The following GPR161 variants were observed in gnomAD, a reference collection of about 807,000 sequenced individuals.
GPR161 encodes the protein G protein-coupled receptor 161.
In GPR161, 25 loss-of-function variants were observed where a neutral mutation model predicts 39.2. The ratio of observed to expected loss-of-function variants is 0.64; its 90% CI spans 0.47 to 0.89. The LOEUF is 0.89. GPR161 is among the 40% of genes least tolerant of loss of function. The pLI is 0.00. For missense variants in GPR161, 547 were observed against 677.8 expected (o/e 0.81, Z 2.14); for synonymous variants, 286 against 276.6 (o/e 1.03, Z -0.34).
At chr1:168,113,294 C>T (rs1385850050) in intron 1 of GPR161, among the ~76,000 whole-genome samples, 1 of 152,136 alleles carries the variant, frequency 6.6e-6, no homozygotes, top group Admixed American at 6.5e-5. Context: ...ACTGCTTCTC[C>T]GAGAAACATC....
In GPR161 at chr1:168,125,622, C is replaced by T. The variant is rs562698600; in HGVS notation, c.-45+11117G>A. On this transcript the variant is annotated intron_variant, in intron 1 of 5. Transcript: ENST00000682931. Reference sequence around the variant, plus strand: ...GTATCTTGACTATCTTGCTTCCCCCCCCTTTTTTTTTTTTTGAGACAGTCT... The same window carrying T: ...GTATCTTGACTATCTTGCTTCCCCCTCCTTTTTTTTTTTTTGAGACAGTCT... Among the ~76,000 whole-genome samples, 14 of 137,506 alleles carry T rather than the reference C, an allele frequency of 1.0e-4. No individual in the cohort carries two copies. In the East Asian group the frequency reaches 1.2e-3, roughly 12 times the overall value. The allele number at this position is 137,506 out of a possible 152,430, so 90.2% of individuals were successfully genotyped here. A position where few individuals can be genotyped will look rare whatever the true frequency, so the allele number is the denominator to read the frequency against.
intron 2 of GPR161, among the ~76,000 whole-genome samples, chr1:168,102,513 A>G (rs1350470349): frequency 2.0e-5 from 3 of 152,112 alleles, no homozygotes; most frequent in African/African-American, 7.2e-5. Flanking sequence ...CATCCAACCA[A>G]TATTTCCAGT....
Position 168,083,168 on chromosome 1 carries a change from A to G in GPR161, c.*2363T>C, listed in dbSNP as rs941110035. The G allele has an allele frequency of 5.9e-5, 9 of 152,240 alleles. No homozygotes were observed. Among genetic ancestry groups the G allele is most frequent in the African/African-American group, 2.2e-4 (9 of 41,460 alleles). 9.4% of individuals were successfully genotyped at this position (152,240 alleles called of 1,614,324 possible). ...AGTGCACACTTTAGTGGTATTGCCTACAGAGCCTAGCCTGGTGCTTCGCAT... is the reference window on the plus strand; with the variant it reads ...AGTGCACACTTTAGTGGTATTGCCTGCAGAGCCTAGCCTGGTGCTTCGCAT... On this transcript the variant is annotated 3_prime_UTR_variant, in exon 6 of 6. Coordinates refer to ENST00000682931, the MANE Select transcript of GPR161 (RefSeq NM_001375883.1).
At position 168,085,636 on chromosome 1, in the gene GPR161, C is replaced by CG; in HGVS notation, c.1484dup (p.Gly498ArgfsTer44). ...CTCGGCGGCCCCCGAAGCCGCCCCC[C>CG]GGGACAGTCCGTGCTGTAACCAAGA... is the stretch of plus-strand genomic sequence containing the variant. On this transcript the variant is annotated frameshift_variant, in exon 6 of 6. Coordinates refer to ENST00000682931, the MANE Select transcript of GPR161 (RefSeq NM_001375883.1). LOFTEE classifies it low-confidence loss of function (END_TRUNC). The CG allele has an allele frequency of 6.2e-7, 1 of 1,614,148 alleles. No individual in the cohort carries two copies. The highest frequency in any genetic ancestry group is 1.1e-5 in the South Asian group (1 of 91,088).
chr1:168,116,678 C>A (rs977216546), intron 1 of GPR161, among the ~76,000 whole-genome samples: 3 of 152,224 alleles, frequency 2.0e-5, no homozygotes, highest in Non-Finnish European at 2.9e-5. Flanking sequence ...CTTCATCCTT[C>A]CCTGGCACTC....
chr1:168,117,794 C>T (rs1463581105), intron 1 of GPR161, among the ~76,000 whole-genome samples: 1 of 152,186 alleles, frequency 6.6e-6, no homozygotes, highest in Admixed American at 6.5e-5. Flanking sequence ...TTGAGCCTCA[C>T]TGTGTTGCAG....
At chr1:168,095,012 A>G (rs1695393195) in intron 3 of GPR161, among the ~76,000 whole-genome samples, 1 of 152,216 alleles carries the variant, frequency 6.6e-6, no homozygotes, top group Non-Finnish European at 1.5e-5. Flanking sequence ...CGAGAGATCA[A>G]GAGCAACACA....
At position 168,085,886 on chromosome 1, in the gene GPR161, G is replaced by A. The variant is rs1018654282; in HGVS notation, c.1325-90C>T. 2.5e-6 allele frequency: 3 copies of A among 1,195,502 alleles called. No homozygotes were observed. In the African/African-American group the frequency reaches 4.6e-5, roughly 18 times the overall value. The allele number at this position is 1,195,502 out of a possible 1,614,324, so 74.1% of individuals were successfully genotyped here. A position where few individuals can be genotyped will look rare whatever the true frequency, so the allele number is the denominator to read the frequency against. On this transcript the variant is annotated intron_variant, in intron 5 of 5. Transcript: ENST00000682931. Reference sequence around the variant, plus strand: ...AGCCTGCTGCTGCTCCACCACCCCGGGGAGGGAGACAAACCGCAGTTAAGG... The same window carrying A: ...AGCCTGCTGCTGCTCCACCACCCCGAGGAGGGAGACAAACCGCAGTTAAGG...
chr1:168,119,289 C>CATATAT (rs1697966519), intron 1 of GPR161, among the ~76,000 whole-genome samples: 1 of 110,914 alleles, frequency 9.0e-6, no homozygotes, highest in African/African-American at 4.2e-5. Context: ...TATATATATA[C>CATATAT]ACATATATAC....
At chr1:168,120,186 G>A (rs932651987) in intron 1 of GPR161, among the ~76,000 whole-genome samples, 2 of 152,204 alleles carry the variant, frequency 1.3e-5, no homozygotes, top group Non-Finnish European at 2.9e-5. Flanking sequence ...AGCCACAGAG[G>A]TGGAGCTGCC....
At chr1:168,104,334 C>T (rs1393137953) in intron 2 of GPR161, 143 bp downstream of exon 2, 4 of 634,936 alleles carry the variant, frequency 6.3e-6, no homozygotes, top group Non-Finnish European at 1.1e-5. Context: ...AGAGATGGCT[C>T]CAGAGGCAGA....
At chr1:168,113,296 A>G (rs1470007894) in intron 1 of GPR161, among the ~76,000 whole-genome samples, 1 of 152,188 alleles carries the variant, frequency 6.6e-6, no homozygotes, top group Non-Finnish European at 1.5e-5. Context: ...TGCTTCTCCG[A>G]GAAACATCTA....
chr1:168,118,400 C>T (rs1399048592), intron 1 of GPR161, among the ~76,000 whole-genome samples: 3 of 149,796 alleles, frequency 2.0e-5, no homozygotes, highest in Admixed American at 1.3e-4. Flanking sequence ...ATAATGTATA[C>T]ACAGGGACAC....
intron 1 of GPR161, among the ~76,000 whole-genome samples, chr1:168,105,664 G>A (rs1383035291): frequency 6.6e-6 from 1 of 152,216 alleles, no homozygotes; most frequent in African/African-American, 2.4e-5. Context: ...ACCATTTGAG[G>A]TCTTGGCCCA....
intron 1 of GPR161, among the ~76,000 whole-genome samples, chr1:168,129,086 A>G (rs549336684): frequency 1.3e-5 from 2 of 152,364 alleles, no homozygotes; most frequent in African/African-American, 4.8e-5. Flanking sequence ...AATTTAAAAA[A>G]TAGGAAACAA....
rs1572269938 is a variant in GPR161, at chr1:168,096,641, CAG to C, written c.964_965del (p.Leu322AspfsTer87). On this transcript the variant is annotated frameshift_variant, in exon 3 of 6. Transcript: ENST00000682931. LOFTEE classifies it high-confidence loss of function. Reference protein sequence around the residue: ...LSFASAVCHPLIYGLWNKTVR... With the variant: ...LSFASAVCHPXIYGLWNKTVR... ...CTGTCTTGTTCCAGAGTCCATAGAT[CAG>C]GGGGTGGCAGACAGCGCTGGCAAAG... 3.7e-6 allele frequency: 6 copies of C among 1,614,222 alleles called. No individual in the cohort carries two copies. The highest frequency in any genetic ancestry group is 5.1e-6 in the Non-Finnish European group (6 of 1,180,040).
In GPR161 at chr1:168,090,652, T is replaced by C; in HGVS notation, c.1116A>G (p.Pro372=). Residue 372 remains proline (P), a synonymous_variant, in exon 4 of 6, where the codon CCA becomes CCG. Coordinates refer to ENST00000682931, the MANE Select transcript of GPR161 (RefSeq NM_001375883.1). ...CACCTGCCATGAGCGCAGTGAGGTG[T>C]GGGGACAGGCCCAGGTCTGAAAGAC... The part of the protein sequence containing the change: ...SNRITDLGLS[P]HLTALMAGGQ... The C allele has an allele frequency of 1.9e-6, 3 of 1,608,540 alleles. No individual in the cohort carries two copies. The highest frequency in any genetic ancestry group is 2.6e-6 in the Non-Finnish European group (3 of 1,175,552).
rs533002200 is a variant in GPR161 at position 168,127,010 on chromosome 1, C to T, written c.-45+9729G>A. Among the ~76,000 whole-genome samples, 27 of 152,208 alleles carry T rather than the reference C, an allele frequency of 1.8e-4. No individual in the cohort carries two copies. The South Asian group carries it at 5.4e-3, about 30-fold the overall frequency. ...TCTTAATCTCTCTGAGACTCAATTT[C>T]TCCTAAGACAAAAAAGAGAGTAGAT... On this transcript the variant is annotated intron_variant, in intron 1 of 5. Transcript: ENST00000682931.
At chr1:168,095,811 C>G (rs1572266412) in intron 3 of GPR161, among the ~76,000 whole-genome samples, 1 of 152,000 alleles carries the variant, frequency 6.6e-6, no homozygotes, top group African/African-American at 2.4e-5. Context: ...TGGCCTGGTC[C>G]AATGCTTGGA....
Sources: gnomAD v4.1 joint callset for allele counts (sites outside exome capture counted in the v4.1 genomes callset) on GRCh38, gnomAD v4.1.1 for gene constraint, MANE v1.5 for transcripts, NCBI Gene and HGNC (gene_info 2026-07-23, HGNC 2026-07-21) for gene names.